The following SCAPER variants were observed in gnomAD, a reference collection of about 807,000 sequenced individuals.
SCAPER encodes S phase cyclin A-associated protein in the endoplasmic reticulum.
In SCAPER, 98 loss-of-function variants were observed where a neutral mutation model predicts 182.2. The observed-to-expected ratio is 0.54, with a 90% confidence interval of 0.46 to 0.64. The LOEUF (loss-of-function observed/expected upper bound fraction) is 0.64, where lower values mean the gene tolerates loss of function less well. Among genes scored for constraint, SCAPER ranks in the 30% least tolerant of loss-of-function variants. The pLI is 0.00. For synonymous variants in SCAPER, 605 were observed against 564.6 expected (o/e 1.07, Z -1.01); for missense variants, 1,432 against 1,690.0 (o/e 0.85, Z 2.68).
chr15:76,644,152 A>C (rs1301280240), intron 21 of SCAPER, among the ~76,000 whole-genome samples: 1 of 152,172 alleles, frequency 6.6e-6, no homozygotes, highest in African/African-American at 2.4e-5. Context: ...TATACGATCA[A>C]AACTTTTTCA....
At chr15:76,857,767 G>A in intron 4 of SCAPER, 42 bp downstream of exon 4, 1 of 1,174,834 alleles carries the variant, frequency 8.5e-7, no homozygotes, top group Non-Finnish European at 1.2e-6. Flanking sequence ...TTCAGAAATT[G>A]AAATTAAAAG....
chr15:76,503,745 A>G (rs1019831424), intron 24 of SCAPER, among the ~76,000 whole-genome samples: 6 of 152,222 alleles, frequency 3.9e-5, no homozygotes, highest in African/African-American at 1.4e-4. Context: ...AGCCTGGCAG[A>G]GGTAAAACTA....
chr15:76,491,912 G>A (rs1596999917), intron 24 of SCAPER, among the ~76,000 whole-genome samples: 4 of 152,176 alleles, frequency 2.6e-5, no homozygotes, highest in Admixed American at 2.6e-4. Context: ...GATTACAGGC[G>A]TTAGCCACCG....
At chr15:76,356,944 G>A (rs1026869686) in intron 29 of SCAPER, among the ~76,000 whole-genome samples, 5 of 152,028 alleles carry the variant, frequency 3.3e-5, no homozygotes, top group African/African-American at 1.2e-4. Context: ...GGAAATCAAC[G>A]GAATTTCCAA....
chr15:76,772,885 AT>A (rs2063546493), intron 9 of SCAPER, among the ~76,000 whole-genome samples: 1 of 151,892 alleles, frequency 6.6e-6, no homozygotes, highest in Non-Finnish European at 1.5e-5. Context: ...CATTAGATAA[AT>A]GCTGCAGTGG....
At chr15:76,852,633 G>T (rs188943564) in intron 4 of SCAPER, among the ~76,000 whole-genome samples, 86 of 152,286 alleles carry the variant, frequency 5.6e-4, no homozygotes, top group African/African-American at 2.1e-3. Flanking sequence ...GGAGTTCTTT[G>T]AAACTAATGA....
chr15:76,778,731 C>T (rs565085271), intron 8 of SCAPER, among the ~76,000 whole-genome samples: 1 of 151,590 alleles, frequency 6.6e-6, no homozygotes, highest in Non-Finnish European at 1.5e-5. Flanking sequence ...AGTTTAAGTA[C>T]ATTTTTAAGT....
At chr15:76,438,955 G>A (rs77941236) in intron 25 of SCAPER, among the ~76,000 whole-genome samples, 2 of 152,228 alleles carry the variant, frequency 1.3e-5, no homozygotes, top group East Asian at 3.9e-4. Context: ...CCTTTGTATA[G>A]ATTTTTCTTT....
intron 20 of SCAPER, among the ~76,000 whole-genome samples, chr15:76,679,921 T>C (rs1211188415): frequency 6.6e-6 from 1 of 152,202 alleles, no homozygotes; most frequent in Non-Finnish European, 1.5e-5. Flanking sequence ...CTGAGCTCAA[T>C]ATTGCAACAA....
At chr15:76,791,468 T>C (rs1339510878) in intron 8 of SCAPER, among the ~76,000 whole-genome samples, 1 of 151,910 alleles carries the variant, frequency 6.6e-6, no homozygotes, top group Admixed American at 6.6e-5. Flanking sequence ...GAATTTAGGG[T>C]GCAGGGGAAG....
intron 8 of SCAPER, among the ~76,000 whole-genome samples, chr15:76,782,493 A>T (rs1420893279): frequency 6.6e-6 from 1 of 152,180 alleles, no homozygotes; most frequent in East Asian, 1.9e-4. Context: ...GTTAGCAAAG[A>T]TATCCATGAC....
intron 20 of SCAPER, among the ~76,000 whole-genome samples, chr15:76,692,655 C>G (rs963868488): frequency 7.0e-6 from 1 of 143,328 alleles, no homozygotes; most frequent in East Asian, 2.1e-4. Context: ...TACCACTGCA[C>G]TCCAGCCTGG....
intron 29 of SCAPER, among the ~76,000 whole-genome samples, chr15:76,371,330 T>C (rs1391324813): frequency 6.6e-6 from 1 of 151,938 alleles, no homozygotes; most frequent in African/African-American, 2.4e-5. Context: ...TTTTTTTTTT[T>C]TTTTGTTGAA....
intron 5 of SCAPER, among the ~76,000 whole-genome samples, chr15:76,830,763 C>A (rs2068399899): frequency 6.6e-6 from 1 of 151,722 alleles, no homozygotes; most frequent in African/African-American, 2.4e-5. Context: ...TAGACGTAGC[C>A]AGGAAGAAGA....
intron 5 of SCAPER, among the ~76,000 whole-genome samples, chr15:76,813,997 G>A (rs755452160): frequency 2.0e-5 from 3 of 152,004 alleles, no homozygotes; most frequent in Non-Finnish European, 4.4e-5. Context: ...GTGAAACCCC[G>A]TCTCTACTAA....
At chr15:76,730,004 T>C (rs972533583) in intron 16 of SCAPER, among the ~76,000 whole-genome samples, 3 of 152,134 alleles carry the variant, frequency 2.0e-5, no homozygotes, top group African/African-American at 7.2e-5. Context: ...TACATAACCT[T>C]GGGCAAAGTA....
chr15:76,850,878 GA>G (rs1164935318), intron 4 of SCAPER, among the ~76,000 whole-genome samples: 80 of 129,304 alleles, frequency 6.2e-4, no homozygotes, highest in African/African-American at 2.2e-3. Flanking sequence ...AAAAAAAAAA[GA>G]AAAAAAAAGA....
intron 5 of SCAPER, among the ~76,000 whole-genome samples, chr15:76,811,848 CAAAAA>C (rs1229065279): frequency 6.6e-6 from 1 of 150,520 alleles, no homozygotes; most frequent in African/African-American, 2.4e-5. Flanking sequence ...CAAAACAAAA[CAAAAA>C]AGTAAAAAGG....
At chr15:76,823,558 C>A (rs1598933604) in intron 5 of SCAPER, among the ~76,000 whole-genome samples, 1 of 148,904 alleles carries the variant, frequency 6.7e-6, no homozygotes. Flanking sequence ...GAACTCAGAC[C>A]CAAGACTAAT....
Sources: allele counts gnomAD v4.1 joint callset (sites outside exome capture counted in the v4.1 genomes callset), GRCh38; gene constraint gnomAD v4.1.1; transcripts MANE v1.5; gene names NCBI Gene and HGNC (gene_info 2026-07-23, HGNC 2026-07-21).